GOLPH3L: variants seen among roughly 807,000 people sequenced by gnomAD.
GOLPH3L encodes golgi phosphoprotein 3 like.
Under a neutral mutation model 30.3 loss-of-function variants are expected in GOLPH3L, and 22 were observed. The observed-to-expected ratio is 0.73, with a 90% CI of 0.52 to 1.04. The LOEUF (loss-of-function observed/expected upper bound fraction) is 1.04, where lower values mean the gene tolerates loss of function less well. Among genes scored for constraint, GOLPH3L ranks in the 50% least tolerant of loss-of-function variants. The probability of loss-of-function intolerance (pLI) is 0.00; values close to 1 mark genes in which losing one functional copy is unlikely to be tolerated. For synonymous variants in GOLPH3L, 120 were observed against 128.2 expected, an observed-to-expected ratio of 0.94 and a Z score of 0.43; for missense variants, 303 against 345.8, an observed-to-expected ratio of 0.88 and a Z score of 0.98.
intron 2 of GOLPH3L, among the ~76,000 whole-genome samples, chr1:150,666,670 A>G (rs968507620): frequency 1.3e-5 from 2 of 152,084 alleles, no homozygotes; most frequent in South Asian, 4.1e-4. Context: ...CCGGCTTCCT[A>G]TTTACTAATT....
chr1:150,665,754 C>T (rs763218446), intron 2 of GOLPH3L, among the ~76,000 whole-genome samples: 4 of 152,034 alleles, frequency 2.6e-5, no homozygotes, highest in Non-Finnish European at 4.4e-5. Flanking sequence ...CAGGTGCTTA[C>T]GAATTTCTTT....
intron 2 of GOLPH3L, 122 bp downstream of exon 2, chr1:150,694,534 C>T: frequency 1.7e-6 from 1 of 595,602 alleles, no homozygotes; most frequent in African/African-American, 1.9e-5. Context: ...CTCCATCTTC[C>T]AGATGGTTAG....
intron 2 of GOLPH3L, among the ~76,000 whole-genome samples, chr1:150,673,455 T>C (rs929416632): frequency 6.6e-6 from 1 of 151,978 alleles, no homozygotes; most frequent in African/African-American, 2.4e-5. Context: ...TAATCCCAGC[T>C]ACTTGGGAGG....
intron 2 of GOLPH3L, among the ~76,000 whole-genome samples, chr1:150,690,299 A>T (rs587637617): frequency 4.7e-4 from 72 of 152,162 alleles, no homozygotes; most frequent in African/African-American, 1.0e-3. Flanking sequence ...CATAGTTTCT[A>T]AAAAAATGAT....
At chr1:150,674,385 C>T (rs983693761) in intron 2 of GOLPH3L, among the ~76,000 whole-genome samples, 5 of 151,822 alleles carry the variant, frequency 3.3e-5, no homozygotes, top group African/African-American at 4.8e-5. Flanking sequence ...CTCGGCCTCC[C>T]GAGTAGCTGG....
At chr1:150,660,317 C>T (rs1327592303) in intron 4 of GOLPH3L, among the ~76,000 whole-genome samples, 1 of 151,824 alleles carries the variant, frequency 6.6e-6, no homozygotes, top group Non-Finnish European at 1.5e-5. Context: ...CAAATTGGAA[C>T]CCTGGTGCAT....
intron 2 of GOLPH3L, among the ~76,000 whole-genome samples, chr1:150,677,323 G>A (rs1032044435): frequency 5.9e-5 from 9 of 151,846 alleles, no homozygotes; most frequent in Admixed American, 1.3e-4. Flanking sequence ...GGCAACTTCT[G>A]CCTCCTGGGT....
intron 2 of GOLPH3L, among the ~76,000 whole-genome samples, chr1:150,688,608 G>A (rs587704000): frequency 3.9e-5 from 6 of 152,188 alleles, no homozygotes; most frequent in South Asian, 2.1e-4. Flanking sequence ...AAAATTAGCC[G>A]GGGATGGTGG....
At chr1:150,683,870 A>T (rs587684789) in intron 2 of GOLPH3L, among the ~76,000 whole-genome samples, 1 of 152,172 alleles carries the variant, frequency 6.6e-6, no homozygotes, top group South Asian at 2.1e-4. Context: ...TATCTTCATA[A>T]CCTATTTTTT....
intron 4 of GOLPH3L, among the ~76,000 whole-genome samples, chr1:150,654,658 A>C (rs1372916870): frequency 6.6e-6 from 1 of 152,228 alleles, no homozygotes; most frequent in Non-Finnish European, 1.5e-5. Context: ...AAATTTGGGA[A>C]ACGCCATGAG....
intron 4 of GOLPH3L, among the ~76,000 whole-genome samples, chr1:150,656,932 T>C (rs1650252434): frequency 6.6e-6 from 1 of 152,232 alleles, no homozygotes; most frequent in South Asian, 2.1e-4. Flanking sequence ...GAGAATGTTT[T>C]TACAGATGGG....
At chr1:150,672,848 G>T (rs1227434321) in intron 2 of GOLPH3L, among the ~76,000 whole-genome samples, 1 of 152,222 alleles carries the variant, frequency 6.6e-6, no homozygotes, top group African/African-American at 2.4e-5. Flanking sequence ...GCCTGATCGT[G>T]AGGAAGGGAT....
chr1:150,683,131 G>C (rs1443664844), intron 2 of GOLPH3L, among the ~76,000 whole-genome samples: 1 of 152,186 alleles, frequency 6.6e-6, no homozygotes, highest in Non-Finnish European at 1.5e-5. Context: ...GCCGGGTGCA[G>C]TGGCTCATGC....
chr1:150,684,445 G>T (rs1464497678), intron 2 of GOLPH3L, among the ~76,000 whole-genome samples: 1 of 150,232 alleles, frequency 6.7e-6, no homozygotes, highest in South Asian at 2.1e-4. Context: ...GCCTCCCAAA[G>T]TGCTGAGATT....
chr1:150,653,326 C>T (rs867607289), intron 4 of GOLPH3L, among the ~76,000 whole-genome samples: 32 of 146,600 alleles, frequency 2.2e-4, no homozygotes, highest in Middle Eastern at 3.6e-3. Flanking sequence ...GACGGAGTCT[C>T]ACACTGTCGC....
chr1:150,684,328 T>A (rs2101814532), intron 2 of GOLPH3L, among the ~76,000 whole-genome samples: 1 of 152,286 alleles, frequency 6.6e-6, no homozygotes, highest in South Asian at 2.1e-4. Context: ...TGTCTAGTCA[T>A]TTAGTCTTAA....
intron 2 of GOLPH3L, among the ~76,000 whole-genome samples, chr1:150,687,155 C>T (rs1040267597): frequency 9.2e-5 from 14 of 151,844 alleles, no homozygotes; most frequent in Admixed American, 6.6e-5. Context: ...GTTCTTTGCT[C>T]GGCCTGCTAT....
chr1:150,667,400 T>A (rs587679459), intron 2 of GOLPH3L, among the ~76,000 whole-genome samples: 293 of 152,184 alleles, frequency 1.9e-3, no homozygotes, highest in African/African-American at 6.9e-3. Flanking sequence ...ATGATATAAC[T>A]CCCTCCCCTC....
At chr1:150,694,114 TC>T in intron 2 of GOLPH3L, 2 of 433,466 alleles carry the variant, frequency 4.6e-6, no homozygotes. Flanking sequence ...TCACCTCGGC[TC>T]CCCAAAGTGC....
Sources: allele counts gnomAD v4.1 joint callset (sites outside exome capture counted in the v4.1 genomes callset), GRCh38; gene constraint gnomAD v4.1.1; transcripts MANE v1.5; gene names NCBI Gene and HGNC (gene_info 2026-07-23, HGNC 2026-07-21).